Variants in UTRN observed in about 807,000 individuals in gnomAD.
UTRN encodes dystrophin-related protein 1.
In UTRN, 283 loss-of-function variants were observed where a neutral mutation model predicts 463.9. The observed-to-expected ratio is 0.61, with a 90% confidence interval of 0.55 to 0.67. UTRN has a LOEUF of 0.67. UTRN is among the 30% of genes least tolerant of loss of function. The probability of loss-of-function intolerance (pLI) is 0.00; values close to 1 mark genes in which losing one functional copy is unlikely to be tolerated. For synonymous variants in UTRN, 1,442 were observed against 1,431.5 expected, an observed-to-expected ratio of 1.01 and a Z score of -0.17; for missense variants, 3,922 against 4,084.3, an observed-to-expected ratio of 0.96 and a Z score of 1.08.
At chr6:144,534,990 G>A (rs1585160542) in intron 43 of UTRN, among the ~76,000 whole-genome samples, 3 of 152,280 alleles carry the variant, frequency 2.0e-5, no homozygotes, top group Admixed American at 2.0e-4. Flanking sequence ...ATGACCAGGG[G>A]AAGGATTGGA....
chr6:144,784,344 T>G (rs184288632), intron 61 of UTRN, among the ~76,000 whole-genome samples: 2 of 152,270 alleles, frequency 1.3e-5, no homozygotes, highest in South Asian at 4.2e-4. Flanking sequence ...GAGTGTGAGA[T>G]GAAGGTGTCG....
intron 2 of UTRN, among the ~76,000 whole-genome samples, chr6:144,320,971 G>C (rs1775601546): frequency 6.6e-6 from 1 of 151,628 alleles, no homozygotes; most frequent in South Asian, 2.1e-4. Context: ...ACTCAGACAA[G>C]CTCGCTGTGC....
intron 51 of UTRN, among the ~76,000 whole-genome samples, chr6:144,677,269 G>T (rs191797830): frequency 5.9e-5 from 9 of 151,658 alleles, no homozygotes; most frequent in African/African-American, 2.2e-4. Flanking sequence ...CTTTCCTTTC[G>T]CCCTACCCCC....
At chr6:144,485,667 A>C in intron 28 of UTRN, 148 bp downstream of exon 28, 1 of 1,183,970 alleles carries the variant, frequency 8.4e-7, no homozygotes, top group Non-Finnish European at 1.2e-6. Flanking sequence ...CCATAGCCTG[A>C]AGTGTTTATA....
intron 52 of UTRN, among the ~76,000 whole-genome samples, chr6:144,690,153 G>A (rs1204492102): frequency 7.5e-6 from 1 of 133,690 alleles, no homozygotes; most frequent in Non-Finnish European, 1.5e-5. Context: ...AGGAGTGAAG[G>A]GGCAAAACCA....
intron 2 of UTRN, among the ~76,000 whole-genome samples, chr6:144,302,320 G>C (rs927747390): frequency 9.2e-5 from 14 of 152,040 alleles, no homozygotes; most frequent in Non-Finnish European, 1.3e-4. Flanking sequence ...AGACCAGCCT[G>C]GCCAACATGC....
At chr6:144,600,366 A>C (rs1804117603) in intron 51 of UTRN, among the ~76,000 whole-genome samples, 1 of 152,252 alleles carries the variant, frequency 6.6e-6, no homozygotes, top group African/African-American at 2.4e-5. Context: ...CAAGTTGTGA[A>C]TGCAAAGGAA....
At chr6:144,701,319 TAAA>T (rs79923959) in intron 53 of UTRN, among the ~76,000 whole-genome samples, 3 of 141,374 alleles carry the variant, frequency 2.1e-5, no homozygotes, top group African/African-American at 2.6e-5. Context: ...GGACTTGTAG[TAAA>T]AAAAAAAAAA....
rs553172678 is a variant in UTRN at position 144,805,561 on chromosome 6, C to G, written c.9357+2414C>G. Among the ~76,000 whole-genome samples, 12 of 152,262 alleles carry G rather than the reference C, an allele frequency of 7.9e-5. No homozygotes were observed. In the East Asian group the frequency reaches 2.3e-3, roughly 29 times the overall value. On this transcript the variant is annotated intron_variant, in intron 65 of 74. Transcript: ENST00000367545. The stretch of plus-strand genomic sequence containing the variant: ...CGTGATTGGGCTGCAGAAAGTGAAG[C>G]CTGTTCCCCAAGGGGCGCATGGAAA...
intron 54 of UTRN, among the ~76,000 whole-genome samples, chr6:144,733,377 T>A (rs1788981090): frequency 6.6e-6 from 1 of 151,736 alleles, no homozygotes; most frequent in Admixed American, 6.6e-5. Context: ...ATTAGCCAGG[T>A]GTGGTGGTGC....
At chr6:144,582,427 A>G (rs1235168190) in intron 51 of UTRN, among the ~76,000 whole-genome samples, 2 of 152,126 alleles carry the variant, frequency 1.3e-5, no homozygotes, top group African/African-American at 2.4e-5. Flanking sequence ...GATATTTGCA[A>G]TGATGTTCAG....
At chr6:144,608,071 T>A (rs1043050883) in intron 51 of UTRN, among the ~76,000 whole-genome samples, 4 of 152,196 alleles carry the variant, frequency 2.6e-5, no homozygotes, top group African/African-American at 9.7e-5. Flanking sequence ...GGTATCCGGA[T>A]TTTTGTTCAA....
intron 51 of UTRN, among the ~76,000 whole-genome samples, chr6:144,665,878 TGCTTC>T (rs1780333095): frequency 6.6e-6 from 1 of 152,206 alleles, no homozygotes; most frequent in Admixed American, 6.6e-5. Flanking sequence ...CTTAGGACAT[TGCTTC>T]TGCCCTGTTT....
At chr6:144,380,877 A>G (rs942557394) in intron 2 of UTRN, among the ~76,000 whole-genome samples, 2 of 152,218 alleles carry the variant, frequency 1.3e-5, no homozygotes, top group Non-Finnish European at 1.5e-5. Flanking sequence ...ACAAAATGAT[A>G]CAAAGAAGAT....
chr6:144,635,535 CT>C (rs1219903798), intron 51 of UTRN, among the ~76,000 whole-genome samples: 29 of 33,178 alleles, frequency 8.7e-4, no homozygotes, highest in East Asian at 7.1e-3. Context: ...TTTTTCTTTT[CT>C]TTTTTTTTTT....
chr6:144,498,043 G>A (rs1184267741), intron 33 of UTRN, among the ~76,000 whole-genome samples: 8 of 152,226 alleles, frequency 5.3e-5, no homozygotes. Flanking sequence ...GGTCTGGAAA[G>A]CTAGGGGAAG....
At chr6:144,532,929 A>G (rs879311872) in intron 42 of UTRN, among the ~76,000 whole-genome samples, 156 bp from the exon 43 acceptor site, 1 of 152,228 alleles carries the variant, frequency 6.6e-6, no homozygotes, top group Admixed American at 6.5e-5. Flanking sequence ...ATGTAATTAA[A>G]TTGTTTTAAA....
chr6:144,525,789 C>T (rs985810927), intron 41 of UTRN, among the ~76,000 whole-genome samples: 1 of 151,488 alleles, frequency 6.6e-6, no homozygotes, highest in African/African-American at 2.4e-5. Flanking sequence ...TCTATTTGTG[C>T]TCTTTTAGAC....
chr6:144,780,001 G>A (rs1775676743), intron 60 of UTRN, among the ~76,000 whole-genome samples: 1 of 150,840 alleles, frequency 6.6e-6, no homozygotes. Context: ...ATTTTACTCT[G>A]TATGGGTTTA....
Sources: gnomAD v4.1 joint callset for allele counts (sites outside exome capture counted in the v4.1 genomes callset) on GRCh38, gnomAD v4.1.1 for gene constraint, MANE v1.5 for transcripts, NCBI Gene and HGNC (gene_info 2026-07-23, HGNC 2026-07-21) for gene names.